KIF2A: variants seen among roughly 807,000 people sequenced by gnomAD.
The protein encoded by KIF2A is kinesin-like protein KIF2A.
Under a neutral mutation model 100.2 loss-of-function variants are expected in KIF2A, and 22 were observed. The ratio of observed to expected loss-of-function variants is 0.22; its 90% CI spans 0.16 to 0.31. The LOEUF (loss-of-function observed/expected upper bound fraction) is 0.31, where lower values mean the gene tolerates loss of function less well. Among genes scored for constraint, KIF2A ranks in the 10% least tolerant of loss-of-function variants. The pLI, the probability that KIF2A is intolerant of heterozygous loss-of-function variation, is 1.00. For missense variants in KIF2A, 495 were observed against 898.7 expected, an observed-to-expected ratio of 0.55 and a Z score of 5.74; for synonymous variants, 268 against 285.9, an observed-to-expected ratio of 0.94 and a Z score of 0.63.
chr5:62,347,007 C>G (rs886422645), intron 1 of KIF2A, 123 bp from the exon 2 acceptor site: 1 of 605,444 alleles, frequency 1.7e-6, no homozygotes, highest in East Asian at 3.1e-5. Context: ...CTGTGGAAAT[C>G]TCTTGTAAGG....
At chr5:62,307,807 G>A (rs780872412) in intron 1 of KIF2A, among the ~76,000 whole-genome samples, 1 of 151,940 alleles carries the variant, frequency 6.6e-6, no homozygotes, top group Admixed American at 6.6e-5. Context: ...TAGTAGAGAC[G>A]GGGTTTCACC....
chr5:62,353,503 G>GAGGAATAATATAATAATATAATA, intron 6 of KIF2A, 128 bp downstream of exon 6: 1 of 465,670 alleles, frequency 2.1e-6, no homozygotes, highest in Non-Finnish European at 3.9e-6. Context: ...TCCTTAAATT[G>GAGGAATAATATAATAATATAATA]ATATTGAGGA....
chr5:62,335,558 T>C (rs1746899567), intron 1 of KIF2A, among the ~76,000 whole-genome samples: 1 of 152,164 alleles, frequency 6.6e-6, no homozygotes, highest in Admixed American at 6.5e-5. Flanking sequence ...CAAGCACTTG[T>C]AACTTTGAAC....
intron 2 of KIF2A, among the ~76,000 whole-genome samples, 155 bp downstream of exon 2, chr5:62,347,379 T>G (rs1747625062): frequency 6.6e-6 from 1 of 152,214 alleles, no homozygotes. Context: ...CACTTAAAGG[T>G]AGATTCCTCC....
At chr5:62,358,398 C>A in intron 9 of KIF2A, 99 bp downstream of exon 9, 3 of 713,860 alleles carry the variant, frequency 4.2e-6, no homozygotes, top group East Asian at 2.9e-5. Flanking sequence ...TTAAGAGGTG[C>A]AATATGCTGT....
At chr5:62,313,335 G>A (rs577224964) in intron 1 of KIF2A, among the ~76,000 whole-genome samples, 89 of 152,184 alleles carry the variant, frequency 5.8e-4, no homozygotes, top group African/African-American at 2.0e-3. Context: ...ATCCCTCATA[G>A]CATTCCTGAT....
rs775233194 is a variant in KIF2A at position 62,385,574 on chromosome 5, G to T, written c.*5G>T. ...AAGAGACCCCGTGCCCTTTAAACCG[G>T]CATTTGCTGCTAAAGGATACCCAGA... On this transcript the variant is annotated 3_prime_UTR_variant, in exon 21 of 21. Coordinates refer to ENST00000407818, the MANE Select transcript of KIF2A (RefSeq NM_001098511.3). 3 of 1,574,746 alleles carry T rather than the reference G, an allele frequency of 1.9e-6. No individual in the cohort carries two copies. In the African/African-American group the frequency reaches 4.1e-5, roughly 21 times the overall value.
chr5:62,339,216 G>A lies in KIF2A; in HGVS notation c.65-7914G>A, dbSNP rs114423934. On this transcript the variant is annotated intron_variant, in intron 1 of 20. Transcript: ENST00000407818. ...AGGGGGAGCAGGAGCAAGAGAGAGGGAGATGCCACACACTTTTAAACAGCC... is the reference window on the plus strand; with the variant it reads ...AGGGGGAGCAGGAGCAAGAGAGAGGAAGATGCCACACACTTTTAAACAGCC... Among the ~76,000 whole-genome samples, 243 of 152,220 alleles carry A rather than the reference G, an allele frequency of 1.6e-3. 1 individual carries two copies. The highest frequency in any genetic ancestry group is 5.5e-3 in the African/African-American group (227 of 41,544).
At chr5:62,332,911 T>G (rs1464039513) in intron 1 of KIF2A, among the ~76,000 whole-genome samples, 1 of 152,216 alleles carries the variant, frequency 6.6e-6, no homozygotes. Flanking sequence ...CTCTCAGCAG[T>G]AAGCAAAACA....
At chr5:62,345,734 T>C (rs1747532912) in intron 1 of KIF2A, among the ~76,000 whole-genome samples, 1 of 152,174 alleles carries the variant, frequency 6.6e-6, no homozygotes. Flanking sequence ...TGCCTCATTA[T>C]AATAACATTG....
At position 62,389,507 on chromosome 5, in the gene KIF2A, GTTATTGTCTGACT is replaced by G. The variant is rs1742201326; in HGVS notation, c.*3939_*3951del. 1.0e-5 allele frequency among the ~76,000 whole-genome samples: 1 copy of G among 95,948 alleles called. No individual in the cohort carries two copies. The highest frequency in any genetic ancestry group is 4.6e-5 in the African/African-American group (1 of 21,536). 62.9% of individuals were successfully genotyped at this position (95,948 alleles called of 152,430 possible). A position where few individuals can be genotyped will look rare whatever the true frequency, so the allele number is the denominator to read the frequency against. ...TCTCAAAAAAAAAAAAAAAAGAAAT[GTTATTGTCTGACT>G]AAATTTATAAGATATGTATTGGTTA... is the stretch of plus-strand genomic sequence containing the variant. On this transcript the variant is annotated 3_prime_UTR_variant, in exon 21 of 21. Transcript: ENST00000407818.
intron 1 of KIF2A, among the ~76,000 whole-genome samples, chr5:62,311,150 A>G (rs992527313): frequency 2.6e-5 from 4 of 152,212 alleles, no homozygotes; most frequent in Admixed American, 2.0e-4. Flanking sequence ...TGACTTATCT[A>G]GATTCATACA....
rs191898361 is a variant in KIF2A at position 62,353,743 on chromosome 5, T to A, written c.558+368T>A. 3.0e-4 allele frequency among the ~76,000 whole-genome samples: 45 copies of A among 152,154 alleles called. 1 individual carries two copies. The East Asian group carries it at 7.5e-3, about 25-fold the overall frequency. Reference sequence around the variant, plus strand: ...TAAAGTGCATGATTAAACTATAAATTTTATTATTGTTTTTCTATGGTTAGT... The same window carrying A: ...TAAAGTGCATGATTAAACTATAAATATTATTATTGTTTTTCTATGGTTAGT... On this transcript the variant is annotated intron_variant, in intron 6 of 20. Transcript: ENST00000407818.
intron 16 of KIF2A, among the ~76,000 whole-genome samples, chr5:62,367,081 C>G (rs1250054572): frequency 6.6e-6 from 1 of 152,102 alleles, no homozygotes; most frequent in Non-Finnish European, 1.5e-5. Context: ...GCATTTAAAT[C>G]ATGCAAATTC....
intron 7 of KIF2A, among the ~76,000 whole-genome samples, chr5:62,356,587 ATACT>A (rs948698357): frequency 1.3e-5 from 2 of 152,214 alleles, no homozygotes; most frequent in Non-Finnish European, 2.9e-5. Context: ...TTTATAAAAA[ATACT>A]TATGCATAAG....
chr5:62,338,645 A>G (rs1172748455), intron 1 of KIF2A, among the ~76,000 whole-genome samples: 1 of 152,172 alleles, frequency 6.6e-6, no homozygotes, highest in African/African-American at 2.4e-5. Context: ...AATCTTAGGA[A>G]AAATTTCATA....
chr5:62,366,279 A>C, intron 15 of KIF2A, 135 bp from the exon 16 acceptor site: 1 of 645,358 alleles, frequency 1.5e-6, no homozygotes, highest in Non-Finnish European at 2.8e-6. Context: ...ATAATCTTGG[A>C]GTTGAGATAT....
intron 1 of KIF2A, among the ~76,000 whole-genome samples, chr5:62,335,364 G>A (rs1746887116): frequency 6.6e-6 from 1 of 152,066 alleles, no homozygotes; most frequent in South Asian, 2.1e-4. Flanking sequence ...CCTCTTCTTG[G>A]CCCTGTCCCC....
At chr5:62,355,845 C>A (rs1393290364) in intron 7 of KIF2A, among the ~76,000 whole-genome samples, 1 of 148,978 alleles carries the variant, frequency 6.7e-6, no homozygotes, top group East Asian at 2.0e-4. Context: ...ATCGCCCAGG[C>A]TAGAGTGCAA....
Sources: allele counts gnomAD v4.1 joint callset (sites outside exome capture counted in the v4.1 genomes callset), GRCh38; gene constraint gnomAD v4.1.1; transcripts MANE v1.5; gene names NCBI Gene and HGNC (gene_info 2026-07-23, HGNC 2026-07-21).